The following RHOQ variants were observed in gnomAD, a reference collection of about 807,000 sequenced individuals.
RHOQ encodes ras homolog family member Q.
In RHOQ, 7 loss-of-function variants were observed where a neutral mutation model predicts 25.8. The observed-to-expected ratio is 0.27, with a 90% CI of 0.15 to 0.51. The LOEUF (loss-of-function observed/expected upper bound fraction) is 0.51, where lower values mean the gene tolerates loss of function less well. RHOQ is among the 20% of genes least tolerant of loss of function. The probability of loss-of-function intolerance (pLI) is 0.97; values close to 1 mark genes in which losing one functional copy is unlikely to be tolerated. For synonymous variants in RHOQ, 97 were observed against 98.6 expected (o/e 0.98, Z 0.10); for missense variants, 165 against 260.6 (o/e 0.63, Z 2.53).
intron 2 of RHOQ, among the ~76,000 whole-genome samples, chr2:46,558,216 T>C (rs1668462835): frequency 6.6e-6 from 1 of 152,220 alleles, no homozygotes; most frequent in South Asian, 2.1e-4. Context: ...TCCTGGGATT[T>C]CCCTTCAGGT....
intron 4 of RHOQ, among the ~76,000 whole-genome samples, chr2:46,578,836 A>G (rs551772625): frequency 1.3e-5 from 2 of 152,238 alleles, no homozygotes; most frequent in South Asian, 4.1e-4. Context: ...TTCTCACCAC[A>G]CAAAATGATA....
At position 46,560,504 on chromosome 2, in the gene RHOQ, A is replaced by G. The variant is rs1305576827; in HGVS notation, c.202-15583A>G. The G allele has an allele frequency of 1.8e-5, 8 of 449,530 alleles. 1 individual carries two copies. Among genetic ancestry groups the G allele is most frequent in the South Asian group, 1.2e-4 (8 of 64,314 alleles). The allele number at this position is 449,530 out of a possible 1,614,324, so 27.8% of individuals were successfully genotyped here. On this transcript the variant is annotated intron_variant, in intron 2 of 4. Transcript: ENST00000238738. ...GGCCAGGCTCCTGATGAATTAATAAAGAAGTTGCTTGGCATACAGGCTTTG... is the reference window on the plus strand; with the variant it reads ...GGCCAGGCTCCTGATGAATTAATAAGGAAGTTGCTTGGCATACAGGCTTTG...
At chr2:46,568,866 A>AT (rs1192636447) in intron 2 of RHOQ, 1 of 152,226 alleles carries the variant, frequency 6.6e-6, no homozygotes, top group Non-Finnish European at 1.5e-5. Context: ...TACTTGCCAG[A>AT]TATTTGTGGA....
chr2:46,544,867 A>G (rs370100895), intron 2 of RHOQ, among the ~76,000 whole-genome samples: 18 of 152,252 alleles, frequency 1.2e-4, no homozygotes, highest in African/African-American at 4.3e-4. Flanking sequence ...CCCCTGGTGC[A>G]GATATTGTAT....
intron 2 of RHOQ, 77 bp downstream of exon 2, chr2:46,543,889 C>A: frequency 7.6e-7 from 1 of 1,322,224 alleles, no homozygotes; most frequent in Non-Finnish European, 1.1e-6. Context: ...CTTTGGAAAC[C>A]GAGGTGTCTA....
chr2:46,561,080 G>C (rs575257726), intron 2 of RHOQ, among the ~76,000 whole-genome samples: 1 of 147,774 alleles, frequency 6.8e-6, no homozygotes, highest in African/African-American at 2.5e-5. Flanking sequence ...TAATATATTA[G>C]TATATATATG....
intron 2 of RHOQ, chr2:46,572,804 A>G (rs1668977737): frequency 2.2e-6 from 1 of 446,106 alleles, no homozygotes; most frequent in Admixed American, 2.5e-5. Context: ...CAGTTGCTCT[A>G]CATTTGACTT....
Position 46,576,700 on chromosome 2 carries a change from C to G in RHOQ, c.462+44C>G, listed in dbSNP as rs756317849. The G allele has an allele frequency of 7.7e-7, 1 of 1,302,328 alleles. No homozygotes were observed. The highest frequency in any genetic ancestry group is 1.1e-6 in the Non-Finnish European group (1 of 912,450). The allele number at this position is 1,302,328 out of a possible 1,614,324, so 80.7% of individuals were successfully genotyped here. ...AATTTAAGCATGAATGTAAAAGATG[C>G]TAAGATAACAATAGAAGCTAATTTT... On this transcript the variant is annotated intron_variant, in intron 4 of 4. Coordinates refer to ENST00000238738, the MANE Select transcript of RHOQ (RefSeq NM_012249.4). The surrounding 1 kb of genome is among the most constrained non-coding windows in gnomAD (Gnocchi z 5.1).
Position 46,566,659 on chromosome 2 carries a change from G to T in RHOQ, c.202-9428G>T, listed in dbSNP as rs1668741869. ...GCTCACCTTTTAATGACTTTCCATTGCAGGTGGGCCCTGCAGAGGGGTCCA... is the reference window on the plus strand; with the variant it reads ...GCTCACCTTTTAATGACTTTCCATTTCAGGTGGGCCCTGCAGAGGGGTCCA... On this transcript the variant is annotated intron_variant, in intron 2 of 4. Transcript: ENST00000238738. This position sits in a 1 kb window ranked among gnomAD's most constrained non-coding sequence, Gnocchi z 4.2. Among the ~76,000 whole-genome samples the T allele has an allele frequency of 6.6e-6, 1 of 152,074 alleles. No homozygotes were observed. The highest frequency in any genetic ancestry group is 6.5e-5 in the Admixed American group (1 of 15,268).
In RHOQ at chr2:46,566,180, G is replaced by A. The variant is rs1051412039; in HGVS notation, c.202-9907G>A. ...TCTTCTAGTGAGATGGTGAATACAG[G>A]AGGAGTTGCAGTTTTGATTGGGAAG... On this transcript the variant is annotated intron_variant, in intron 2 of 4. Coordinates refer to ENST00000238738, the MANE Select transcript of RHOQ (RefSeq NM_012249.4). The surrounding 1 kb of genome is among the most constrained non-coding windows in gnomAD (Gnocchi z 4.2). 1.3e-4 allele frequency among the ~76,000 whole-genome samples: 20 copies of A among 152,198 alleles called. No homozygotes were observed. Among genetic ancestry groups the A allele is most frequent in the Admixed American group, 1.2e-3 (19 of 15,278 alleles).
At chr2:46,557,301 A>G (rs771067012) in intron 2 of RHOQ, among the ~76,000 whole-genome samples, 3 of 152,260 alleles carry the variant, frequency 2.0e-5, no homozygotes, top group Non-Finnish European at 4.4e-5. Context: ...GTGATAAATT[A>G]TAAACACATT....
rs769300148 is a variant in RHOQ, at chr2:46,580,911, T to A, written c.463-17T>A. On this transcript the variant is annotated splice_polypyrimidine_tract_variant and intron_variant, in intron 4 of 4. Coordinates refer to ENST00000238738, the MANE Select transcript of RHOQ (RefSeq NM_012249.4). ...AACATGATCTTATATATTTGTGATT[T>A]TTTTTCTCCCTCCCAGATAGGAGCA... 1.4e-6 allele frequency: 2 copies of A among 1,463,192 alleles called. No homozygotes were observed. Among genetic ancestry groups the A allele is most frequent in the South Asian group, 3.0e-5 (2 of 65,770 alleles). 90.6% of individuals were successfully genotyped at this position (1,463,192 alleles called of 1,614,324 possible). A position where few individuals can be genotyped will look rare whatever the true frequency, so the allele number is the denominator to read the frequency against.
Position 46,576,236 on chromosome 2 carries a change from A to C in RHOQ, c.351A>C (p.Leu117Phe). The change falls in exon 3 of 5, where the codon TTA becomes TTC. Residue 117 changes from leucine (L) to phenylalanine (F), a missense_variant. Transcript: ENST00000238738. The surrounding 1 kb of genome is among the most constrained non-coding windows in gnomAD (Gnocchi z 5.1). ...AATACGCACCAAATGTACCCTTTTT[A>C]TTAATAGGAACTCAGGTATGTCTGG... ...LKEYAPNVPFLLIGTQIDLRD... is the reference protein window; with the variant it reads ...LKEYAPNVPFFLIGTQIDLRD... 1 of 1,609,532 alleles carries C rather than the reference A, an allele frequency of 6.2e-7. No homozygotes were observed. Among genetic ancestry groups the C allele is most frequent in the Non-Finnish European group, 8.5e-7 (1 of 1,178,254 alleles).
Position 46,576,129 on chromosome 2 carries a change from G to A in RHOQ, c.244G>A (p.Asp82Asn), listed in dbSNP as rs1669116688. ...GAGGCCTTTATCTTACCCAATGACC[G>A]ATGTCTTCCTTATATGCTTCTCGGT... ...RLRPLSYPMT[D>N]VFLICFSVVN... Residue 82 changes from aspartate to asparagine, a missense_variant, in exon 3 of 5, where the codon GAT becomes AAT. Physicochemically the swap from Asp to Asn is conservative, Grantham distance 23 (BLOSUM62 1). Transcript: ENST00000238738. This position sits in a 1 kb window ranked among gnomAD's most constrained non-coding sequence, Gnocchi z 5.1. The A allele has an allele frequency of 2.5e-6, 4 of 1,612,322 alleles. No individual in the cohort carries two copies. Among genetic ancestry groups the A allele is most frequent in the Non-Finnish European group, 3.4e-6 (4 of 1,179,234 alleles).
rs150214418 is a variant in RHOQ at position 46,567,864 on chromosome 2, C to T, written c.202-8223C>T. 7.2e-3 allele frequency among the ~76,000 whole-genome samples: 1,090 copies of T among 151,842 alleles called. 5 individuals carry two copies. The highest frequency in any genetic ancestry group is 8.9e-3 in the Non-Finnish European group (605 of 67,916). ...TTGAGCCCAGGAGTTCGATACTAGC[C>T]CAGGCAACAGAGCAAGACCCCTGTC... On this transcript the variant is annotated intron_variant, in intron 2 of 4. Transcript: ENST00000238738.
chr2:46,580,947 T>C lies in RHOQ; in HGVS notation c.482T>C (p.Val161Ala). The part of the protein sequence containing the change: ...LAKEIGACCY[V>A]ECSALTQKGL... ...TCCCAGATAGGAGCATGCTGCTATG[T>C]GGAATGTTCAGCTTTAACCCAGAAG... The change falls in exon 5 of 5, where the codon GTG becomes GCG. Residue 161 changes from valine to alanine, a missense_variant. Physicochemically the swap from Val to Ala is moderately conservative, Grantham distance 64. Coordinates refer to ENST00000238738, the MANE Select transcript of RHOQ (RefSeq NM_012249.4). 3 of 1,529,054 alleles carry C rather than the reference T, an allele frequency of 2.0e-6. No individual in the cohort carries two copies. In the Admixed American group the frequency reaches 6.9e-5, roughly 35 times the overall value. The allele number at this position is 1,529,054 out of a possible 1,614,324, so 94.7% of individuals were successfully genotyped here.
rs1558688753 is a variant in RHOQ at position 46,566,084 on chromosome 2, G to C, written c.202-10003G>C. On this transcript the variant is annotated intron_variant, in intron 2 of 4. Transcript: ENST00000238738. The surrounding 1 kb of genome is among the most constrained non-coding windows in gnomAD (Gnocchi z 4.2). Reference sequence around the variant, plus strand: ...TGGGCAGGTGACTGCTTTAGTGTGTGTATTTGTGTTAGGGGTTGATCCTGA... The same window carrying C: ...TGGGCAGGTGACTGCTTTAGTGTGTCTATTTGTGTTAGGGGTTGATCCTGA... 6.6e-6 allele frequency among the ~76,000 whole-genome samples: 1 copy of C among 152,330 alleles called. No individual in the cohort carries two copies. Among genetic ancestry groups the C allele is most frequent in the East Asian group, 1.9e-4 (1 of 5,182 alleles).
In RHOQ at chr2:46,581,594, G is replaced by C. The variant is rs1391317747; in HGVS notation, c.*511G>C. 1.2e-6 allele frequency: 2 copies of C among 1,610,762 alleles called. No individual in the cohort carries two copies. The highest frequency in any genetic ancestry group is 1.7e-6 in the Non-Finnish European group (2 of 1,179,156). ...AGCGTACAGGAGATGGGCCATACCT[G>C]AGGAGAGAATGTATGAGATCAAAAA... On this transcript the variant is annotated 3_prime_UTR_variant, in exon 5 of 5. Coordinates refer to ENST00000238738, the MANE Select transcript of RHOQ (RefSeq NM_012249.4).
intron 2 of RHOQ, among the ~76,000 whole-genome samples, chr2:46,547,051 G>A (rs1007275514): frequency 1.1e-4 from 17 of 152,184 alleles, no homozygotes; most frequent in African/African-American, 4.1e-4. Context: ...CCCATTGATA[G>A]AAGAGAAATA....
Sources: allele counts gnomAD v4.1 joint callset (sites outside exome capture counted in the v4.1 genomes callset), GRCh38; gene constraint gnomAD v4.1.1; non-coding constraint Gnocchi (gnomAD v3.1); transcripts MANE v1.5; gene names NCBI Gene and HGNC (gene_info 2026-07-23, HGNC 2026-07-21).